Variants in UBE2D3 observed in about 807,000 individuals in gnomAD.
The protein encoded by UBE2D3 is ubiquitin conjugating enzyme E2 D3.
Under a neutral mutation model 22.8 loss-of-function variants are expected in UBE2D3, and 2 were observed. The ratio of observed to expected loss-of-function variants is 0.09; its 90% CI spans 0.04 to 0.28. The LOEUF is 0.28. Ranked by LOEUF, UBE2D3 falls within the 10% of genes least tolerant of loss-of-function variation. UBE2D3 has a pLI of 1.00. For synonymous variants in UBE2D3, 56 were observed against 60.4 expected (o/e 0.93, Z 0.34); for missense variants, 27 against 182.5 (o/e 0.15, Z 4.91).
intron 4 of UBE2D3, among the ~76,000 whole-genome samples, chr4:102,807,510 GTGA>G: frequency 6.6e-6 from 1 of 152,118 alleles, no homozygotes; most frequent in Non-Finnish European, 1.5e-5. Context: ...ACATATTTCA[GTGA>G]GTACTGCTAC....
intron 1 of UBE2D3, among the ~76,000 whole-genome samples, chr4:102,855,009 T>G (rs1427377768): frequency 6.6e-6 from 1 of 152,196 alleles, no homozygotes; most frequent in Non-Finnish European, 1.5e-5. Context: ...AATGAAAAAG[T>G]GGGGCTGACC....
chr4:102,843,311 T>A (rs1371302946), intron 1 of UBE2D3: 2 of 152,176 alleles, frequency 1.3e-5, no homozygotes, highest in Non-Finnish European at 2.9e-5. Flanking sequence ...TTTTTTTTTT[T>A]TTATTTGAAA....
intron 1 of UBE2D3, among the ~76,000 whole-genome samples, chr4:102,860,492 C>G (rs1055618556): frequency 6.6e-6 from 1 of 151,598 alleles, no homozygotes; most frequent in Non-Finnish European, 1.5e-5. Context: ...GTCACTTCCT[C>G]CAGTCTTTAC....
upstream of UBE2D3, among the ~76,000 whole-genome samples, chr4:102,832,193 A>T (rs994162215): frequency 1.3e-5 from 2 of 152,194 alleles, no homozygotes; most frequent in Non-Finnish European, 2.9e-5. Context: ...TTGGAAAAAA[A>T]TTGTGAGGGA....
intron 4 of UBE2D3, among the ~76,000 whole-genome samples, chr4:102,805,501 T>C (rs1219402711): frequency 6.6e-6 from 1 of 151,836 alleles, no homozygotes; most frequent in Non-Finnish European, 1.5e-5. Flanking sequence ...TATTCTTTTT[T>C]TTTTTTTTTT....
At chr4:102,823,470 C>G (rs775549844) in intron 2 of UBE2D3, among the ~76,000 whole-genome samples, 1 of 152,188 alleles carries the variant, frequency 6.6e-6, no homozygotes, top group Non-Finnish European at 1.5e-5. Flanking sequence ...TATATAAACA[C>G]TAAAGTCATA....
intron 1 of UBE2D3, among the ~76,000 whole-genome samples, chr4:102,841,017 TAAA>T (rs34074725): frequency 7.1e-6 from 1 of 140,558 alleles, no homozygotes; most frequent in Non-Finnish European, 1.6e-5. Flanking sequence ...AAGACTCTTT[TAAA>T]AAAAAAAAAA....
chr4:102,809,210 C>A (rs1560852925), intron 4 of UBE2D3: 6 of 287,154 alleles, frequency 2.1e-5, no homozygotes, highest in South Asian at 5.4e-5. Context: ...CACTTTCTGC[C>A]TAAATATATT....
chr4:102,825,293 A>T (rs1228094654), intron 2 of UBE2D3: 16 of 986,180 alleles, frequency 1.6e-5, no homozygotes, highest in Non-Finnish European at 1.9e-5. Flanking sequence ...CATTTTTTTC[A>T]AGTTAGCTGT....
At chr4:102,800,816 A>G (rs1412595930) in intron 6 of UBE2D3, among the ~76,000 whole-genome samples, 3 of 152,088 alleles carry the variant, frequency 2.0e-5, no homozygotes, top group Admixed American at 2.0e-4. Flanking sequence ...CATAAAATCA[A>G]AAAACAATTA....
chr4:102,838,016 G>A (rs764327414), intron 1 of UBE2D3, among the ~76,000 whole-genome samples: 2 of 152,050 alleles, frequency 1.3e-5, no homozygotes, highest in Non-Finnish European at 2.9e-5. Flanking sequence ...CTATTTGGGA[G>A]GCTGAGGTGG....
At chr4:102,798,450 C>G (rs1725587588) in intron 7 of UBE2D3, among the ~76,000 whole-genome samples, 1 of 151,536 alleles carries the variant, frequency 6.6e-6, no homozygotes, top group Non-Finnish European at 1.5e-5. Context: ...AAAGCCAGCA[C>G]TTTAAAACAA....
chr4:102,849,364 CAAAAAAAAAAAA>C (rs55874314), intron 1 of UBE2D3, among the ~76,000 whole-genome samples: 1 of 63,262 alleles, frequency 1.6e-5, no homozygotes, highest in African/African-American at 5.4e-5. Context: ...ACCCCTGTCT[CAAAAAAAAAAAA>C]AAAAAAAAAG....
At chr4:102,866,892 T>C (rs939169945) in intron 1 of UBE2D3, among the ~76,000 whole-genome samples, 1 of 152,108 alleles carries the variant, frequency 6.6e-6, no homozygotes, top group Admixed American at 6.5e-5. Flanking sequence ...CTACATTAGA[T>C]CCACAGAGAT....
intron 7 of UBE2D3, among the ~76,000 whole-genome samples, chr4:102,797,747 G>A (rs1336680132): frequency 6.6e-6 from 1 of 151,858 alleles, no homozygotes; most frequent in African/African-American, 2.4e-5. Context: ...CTCTACCACC[G>A]AGCTCATGCT....
At chr4:102,836,178 ACT>A (rs1325989514) in intron 1 of UBE2D3, among the ~76,000 whole-genome samples, 2 of 116,048 alleles carry the variant, frequency 1.7e-5, no homozygotes, top group African/African-American at 6.9e-5. Flanking sequence ...ACTGAGTCTC[ACT>A]CTGTCACCCA....
chr4:102,845,533 A>G (rs1732000344), intron 1 of UBE2D3, among the ~76,000 whole-genome samples: 1 of 152,224 alleles, frequency 6.6e-6, no homozygotes, highest in South Asian at 2.1e-4. Flanking sequence ...CAAAGGATCC[A>G]GTCTCTTTCC....
chr4:102,834,627 T>C (rs1369078325), intron 1 of UBE2D3, among the ~76,000 whole-genome samples: 2 of 151,802 alleles, frequency 1.3e-5, no homozygotes, highest in Admixed American at 6.6e-5. Flanking sequence ...TATGCACCAG[T>C]AGTCCCACAT....
chr4:102,845,038 A>C (rs1328617996), intron 1 of UBE2D3, among the ~76,000 whole-genome samples: 13 of 150,464 alleles, frequency 8.6e-5, no homozygotes, highest in African/African-American at 2.7e-4. Context: ...AAAAAAAAAA[A>C]AAGAATTCTA....
Sources: gnomAD v4.1 joint callset for allele counts (sites outside exome capture counted in the v4.1 genomes callset) on GRCh38, gnomAD v4.1.1 for gene constraint, MANE v1.5 for transcripts, NCBI Gene and HGNC (gene_info 2026-07-23, HGNC 2026-07-21) for gene names.